The following DCLRE1C variants were observed in gnomAD, a reference collection of about 807,000 sequenced individuals.
The protein encoded by DCLRE1C is DNA cross-link repair 1C, also known as protein artemis.
Under a neutral mutation model 61.4 loss-of-function variants are expected in DCLRE1C, and 47 were observed. The ratio of observed to expected loss-of-function variants is 0.77; its 90% confidence interval spans 0.61 to 0.98. DCLRE1C has a LOEUF of 0.98. Among genes scored for constraint, DCLRE1C ranks in the 50% least tolerant of loss-of-function variants. The pLI, the probability that DCLRE1C is intolerant of heterozygous loss-of-function variation, is 0.00. For synonymous variants in DCLRE1C, 337 were observed against 287.6 expected, an observed-to-expected ratio of 1.17 and a Z score of -1.74; for missense variants, 858 against 816.0, an observed-to-expected ratio of 1.05 and a Z score of -0.63.
intron 12 of DCLRE1C, among the ~76,000 whole-genome samples, chr10:14,921,208 T>C (rs984316818): frequency 5.3e-5 from 8 of 151,420 alleles, no homozygotes; most frequent in African/African-American, 1.9e-4. Flanking sequence ...TAGTCCCAGC[T>C]ACTCGGGAGG....
chr10:14,943,068 G>A (rs945838800), intron 3 of DCLRE1C, among the ~76,000 whole-genome samples: 45 of 152,228 alleles, frequency 3.0e-4, no homozygotes, highest in African/African-American at 9.6e-4. Context: ...TGGAGGTTGC[G>A]GTGAGCTGAG....
At chr10:14,911,765 C>A (rs898102396) in intron 13 of DCLRE1C, among the ~76,000 whole-genome samples, 4 of 152,128 alleles carry the variant, frequency 2.6e-5, no homozygotes, top group South Asian at 2.1e-4. Flanking sequence ...GGTCAATAAT[C>A]CAGTTGAAAT....
intron 13 of DCLRE1C, among the ~76,000 whole-genome samples, chr10:14,915,398 T>C (rs1048173132): frequency 6.6e-6 from 1 of 151,922 alleles, no homozygotes; most frequent in Non-Finnish European, 1.5e-5. Flanking sequence ...AACCTCTAGC[T>C]AGACTAATCA....
At chr10:14,935,356 C>T in intron 6 of DCLRE1C, 107 bp downstream of exon 6, 1 of 1,249,640 alleles carries the variant, frequency 8.0e-7, no homozygotes, top group South Asian at 1.3e-5. Context: ...ATCCCAGCTA[C>T]TTGGGAGGCT....
At chr10:14,941,674 C>G (rs1840884073) in intron 3 of DCLRE1C, among the ~76,000 whole-genome samples, 2 of 152,170 alleles carry the variant, frequency 1.3e-5, no homozygotes, top group South Asian at 4.1e-4. Context: ...TTAGTTTCCA[C>G]GTGTATGGGA....
At chr10:14,912,152 A>G (rs1156782725) in intron 13 of DCLRE1C, among the ~76,000 whole-genome samples, 1 of 152,206 alleles carries the variant, frequency 6.6e-6, no homozygotes, top group Non-Finnish European at 1.5e-5. Flanking sequence ...TTAAACCATC[A>G]TAAGGCTGGA....
Position 14,923,062 on chromosome 10 carries a change from T to C in DCLRE1C, c.980A>G (p.Asp327Gly), listed in dbSNP as rs923043726. 1 of 1,613,506 alleles carries C rather than the reference T, an allele frequency of 6.2e-7. No individual in the cohort carries two copies. Among genetic ancestry groups the C allele is most frequent in the Non-Finnish European group, 8.5e-7 (1 of 1,179,470 alleles). Reference sequence around the variant, plus strand: ...CACAGGACAGAGGTAGCTCAAGAAATCTTTAATCTAGAAAAAGGAAAATCA... The same window carrying C: ...CACAGGACAGAGGTAGCTCAAGAAACCTTTAATCTAGAAAAAGGAAAATCA... ...SFHSSYSEIKDFLSYLCPVNA... is the reference protein window; with the variant it reads ...SFHSSYSEIKGFLSYLCPVNA... Residue 327 changes from aspartate (D) to glycine (G), a missense_variant, in exon 12 of 14, where the codon GAT (aspartate) becomes GGT (glycine). By Grantham distance (94) the Asp-to-Gly change is moderately conservative (BLOSUM62 -1). Transcript: ENST00000378278.
At chr10:14,923,380 T>C (rs914223894) in intron 11 of DCLRE1C, 34 of 308,906 alleles carry the variant, frequency 1.1e-4, no homozygotes, top group East Asian at 3.0e-4. Context: ...TCTTTTTTTT[T>C]TCTCTTTTTT....
At chr10:14,900,981 A>G, downstream of DCLRE1C, 1 of 902,446 alleles carries the variant, frequency 1.1e-6, no homozygotes. Flanking sequence ...ATCTTTTTAA[A>G]TGTGCATGCC....
intron 4 of DCLRE1C, among the ~76,000 whole-genome samples, chr10:14,937,749 C>T (rs1035567604): frequency 9.9e-5 from 15 of 151,964 alleles, no homozygotes; most frequent in Non-Finnish European, 1.3e-4. Context: ...AAATTAGCTG[C>T]GCATGGTGGT....
chr10:14,944,829 G>A (rs997438623), intron 3 of DCLRE1C, among the ~76,000 whole-genome samples: 1 of 151,544 alleles, frequency 6.6e-6, no homozygotes, highest in Non-Finnish European at 1.5e-5. Flanking sequence ...TGTGTGCCAC[G>A]ACACCTGGCC....
rs930701609 is a variant in DCLRE1C, at chr10:14,905,703, G to A, written c.*2705C>T. Among the ~76,000 whole-genome samples the A allele has an allele frequency of 3.3e-5, 5 of 152,130 alleles. No homozygotes were observed. The highest frequency in any genetic ancestry group is 2.1e-4 in the South Asian group (1 of 4,828). On this transcript the variant is annotated 3_prime_UTR_variant, in exon 14 of 14. Transcript: ENST00000378278. ...TTGGCATTTTGAAACTTCATGTTTC[G>A]GCTGGACACGGTAGCTGACGCCTGT...
At chr10:14,915,735 A>G (rs1004774910) in intron 13 of DCLRE1C, among the ~76,000 whole-genome samples, 8 of 152,114 alleles carry the variant, frequency 5.3e-5, no homozygotes, top group Non-Finnish European at 1.0e-4. Context: ...TATAATGCCA[A>G]TCCTCGAAAA....
In DCLRE1C at chr10:14,906,127, T is replaced by C. The variant is rs1255084953; in HGVS notation, c.*2281A>G. Among the ~76,000 whole-genome samples, 1 of 152,244 alleles carries C rather than the reference T, an allele frequency of 6.6e-6. No individual in the cohort carries two copies. Among genetic ancestry groups the C allele is most frequent in the East Asian group, 1.9e-4 (1 of 5,204 alleles). ...GCATAGCAGTTAAGATCATGGTCTCTGAAGCCAAACTGCCTGTGTTTGAAT... is the reference window on the plus strand; with the variant it reads ...GCATAGCAGTTAAGATCATGGTCTCCGAAGCCAAACTGCCTGTGTTTGAAT... On this transcript the variant is annotated 3_prime_UTR_variant, in exon 14 of 14. Transcript: ENST00000378278.
At chr10:14,917,143 G>A (rs111749524) in intron 13 of DCLRE1C, among the ~76,000 whole-genome samples, 13 of 152,266 alleles carry the variant, frequency 8.5e-5, no homozygotes, top group African/African-American at 2.9e-4. Flanking sequence ...GCAATTCAGT[G>A]AATTAAGATA....
chr10:14,908,496 C>A lies in DCLRE1C; in HGVS notation c.1991G>T (p.Arg664Leu). The A allele has an allele frequency of 6.2e-7, 1 of 1,613,952 alleles. No individual in the cohort carries two copies. The highest frequency in any genetic ancestry group is 1.1e-5 in the South Asian group (1 of 91,064). ...CTCATATAAATATTGTAAATGCTCT[C>A]GTTTAGGTAACTCAGCTTCTGGAGT... The part of the protein sequence containing the change: ...PSTPEAELPK[R>L]EHLQYLYEKL... Residue 664 changes from arginine (R) to leucine (L), a missense_variant, in exon 14 of 14, where the codon CGA becomes CTA. This residue lies in a region of DCLRE1C where 843 missense variants were observed against 783.5 expected (regional missense o/e 1.08). Coordinates refer to ENST00000378278, the MANE Select transcript of DCLRE1C (RefSeq NM_001033855.3).
At chr10:14,927,580 G>C (rs1377320758) in intron 10 of DCLRE1C, among the ~76,000 whole-genome samples, 4 of 130,058 alleles carry the variant, frequency 3.1e-5, no homozygotes, top group Admixed American at 8.0e-5. Flanking sequence ...GAGTGGGGGG[G>C]GAGAAAGGAG....
intron 4 of DCLRE1C, among the ~76,000 whole-genome samples, chr10:14,939,032 TA>T (rs1313427729): frequency 2.0e-5 from 3 of 152,174 alleles, no homozygotes; most frequent in African/African-American, 7.2e-5. Context: ...GGTGATTAGT[TA>T]TTGGGCATAG....
intron 3 of DCLRE1C, 35 bp downstream of exon 3, chr10:14,945,069 TA>T (rs765333164): frequency 3.0e-5 from 46 of 1,523,532 alleles, no homozygotes; most frequent in Non-Finnish European, 3.0e-5. Flanking sequence ...ACTTCCCACT[TA>T]AAAAAAATTA....
Sources: gnomAD v4.1 joint callset for allele counts (sites outside exome capture counted in the v4.1 genomes callset) on GRCh38, gnomAD v4.1.1 for gene constraint, gnomAD v4.1.1 regional missense constraint, MANE v1.5 for transcripts, NCBI Gene and HGNC (gene_info 2026-07-23, HGNC 2026-07-21) for gene names.